The following ATP8A2 variants were observed in gnomAD, a reference collection of about 807,000 sequenced individuals.
ATP8A2 encodes phospholipid-transporting ATPase IB.
A neutral mutation model predicts 165.6 loss-of-function variants in ATP8A2; 100 were observed. That is an observed-to-expected ratio of 0.60 (90% CI 0.51 to 0.71). The LOEUF (loss-of-function observed/expected upper bound fraction) is 0.71. Ranked by LOEUF, ATP8A2 falls within the 30% of genes least tolerant of loss-of-function variation. The pLI is 0.00. For synonymous variants in ATP8A2, 543 were observed against 548.8 expected (o/e 0.99, Z 0.15); for missense variants, 1,227 against 1,479.5 (o/e 0.83, Z 2.80).
At chr13:25,693,091 A>G (rs900082498) in intron 24 of ATP8A2, among the ~76,000 whole-genome samples, 1 of 152,166 alleles carries the variant, frequency 6.6e-6, no homozygotes, top group African/African-American at 2.4e-5. Flanking sequence ...GCTTTTTATT[A>G]AAATAAGAGA....
intron 1 of ATP8A2, among the ~76,000 whole-genome samples, chr13:25,413,987 C>T (rs1400539850): frequency 6.6e-6 from 1 of 151,854 alleles, no homozygotes; most frequent in Admixed American, 6.6e-5. Flanking sequence ...GAGCGTGAGG[C>T]GTGGTCAGTA....
At chr13:25,562,767 A>G (rs993184082) in intron 15 of ATP8A2, among the ~76,000 whole-genome samples, 1 of 152,196 alleles carries the variant, frequency 6.6e-6, no homozygotes, top group African/African-American at 2.4e-5. Flanking sequence ...GCCTGGGCTC[A>G]GGACTACTCT....
chr13:25,593,260 C>A (rs2040141785), intron 24 of ATP8A2, among the ~76,000 whole-genome samples: 1 of 152,094 alleles, frequency 6.6e-6, no homozygotes, highest in Admixed American at 6.6e-5. Flanking sequence ...AATGGCCCAA[C>A]AATTAGAAGC....
intron 25 of ATP8A2, among the ~76,000 whole-genome samples, chr13:25,731,074 G>GGGAA (rs2043613185): frequency 1.4e-5 from 2 of 142,554 alleles, no homozygotes; most frequent in East Asian, 4.1e-4. Context: ...GGAGAGGGGA[G>GGGAA]GAAAAGAAAA....
At chr13:26,003,473 G>A (rs530130733) in intron 35 of ATP8A2, among the ~76,000 whole-genome samples, 1 of 151,770 alleles carries the variant, frequency 6.6e-6, no homozygotes, top group East Asian at 1.9e-4. Flanking sequence ...CACTCTTTAG[G>A]TTGTCTCTTC....
chr13:25,846,967 TC>T (rs754062157), intron 30 of ATP8A2, among the ~76,000 whole-genome samples: 2 of 152,044 alleles, frequency 1.3e-5, no homozygotes, highest in East Asian at 1.9e-4. Context: ...GACATTTTGT[TC>T]CCCCATAAAA....
intron 25 of ATP8A2, among the ~76,000 whole-genome samples, chr13:25,717,187 G>C (rs2043272425): frequency 6.6e-6 from 1 of 152,148 alleles, no homozygotes; most frequent in Non-Finnish European, 1.5e-5. Flanking sequence ...GATTATGGTA[G>C]CATGGATTAC....
intron 2 of ATP8A2, among the ~76,000 whole-genome samples, chr13:25,495,809 T>G (rs899463455): frequency 6.6e-6 from 1 of 152,014 alleles, no homozygotes; most frequent in Admixed American, 6.6e-5. Context: ...ATACTTCCCA[T>G]GGCTGTGTTC....
At chr13:25,880,835 T>A (rs1217791248) in intron 33 of ATP8A2, 1 of 441,630 alleles carries the variant, frequency 2.3e-6, no homozygotes, top group Non-Finnish European at 4.5e-6. Flanking sequence ...CTTTGTGGTT[T>A]GGGTAAAAAG....
chr13:25,714,704 C>A (rs1156495561), intron 25 of ATP8A2, among the ~76,000 whole-genome samples: 1 of 152,196 alleles, frequency 6.6e-6, no homozygotes, highest in Non-Finnish European at 1.5e-5. Context: ...ATGACAGTTG[C>A]TGAAGTTATG....
chr13:25,431,990 G>A (rs181544016), intron 1 of ATP8A2, among the ~76,000 whole-genome samples: 29 of 152,266 alleles, frequency 1.9e-4, no homozygotes, highest in Non-Finnish European at 3.4e-4. Flanking sequence ...GTCGTATGGT[G>A]TGTGGCCTTT....
At chr13:25,534,300 G>T in intron 6 of ATP8A2, 1 of 484,996 alleles carries the variant, frequency 2.1e-6, no homozygotes, top group Non-Finnish European at 4.3e-6. Context: ...CGTTTGGAAA[G>T]GTCATGGTTC....
rs761146801 is a variant in ATP8A2 at position 25,862,340 on chromosome 13, C to G, written c.3115C>G (p.Leu1039Val). The change falls in exon 33 of 37, where the codon CTG becomes GTG. Residue 1039 changes from leucine (L) to valine (V), a missense_variant. Physicochemically the swap from Leu to Val is conservative, Grantham distance 32. This residue lies in a region of ATP8A2 where 260 missense variants were observed against 245.1 expected (regional missense o/e 1.06). Coordinates refer to ENST00000381655, the MANE Select transcript of ATP8A2 (RefSeq NM_016529.6). ...TGTCTGGGGAAGCATGCTGACCTGG[C>G]TGGTGTTTTTTGGCATCTACTCGAC... is the stretch of plus-strand genomic sequence containing the variant. ...LAVWGSMLTW[L>V]VFFGIYSTIW... 1.2e-6 allele frequency: 2 copies of G among 1,614,164 alleles called. No individual in the cohort carries two copies. The highest frequency in any genetic ancestry group is 8.5e-7 in the Non-Finnish European group (1 of 1,180,008).
At chr13:25,445,485 A>G (rs887279249) in intron 1 of ATP8A2, among the ~76,000 whole-genome samples, 2 of 152,196 alleles carry the variant, frequency 1.3e-5, no homozygotes, top group East Asian at 1.9e-4. Context: ...AGGCACTACA[A>G]TATTCCCAGC....
intron 27 of ATP8A2, among the ~76,000 whole-genome samples, chr13:25,805,184 A>G (rs932351102): frequency 4.6e-5 from 7 of 151,784 alleles, no homozygotes; most frequent in African/African-American, 1.7e-4. Context: ...TATTTTTTCC[A>G]TCTACCCTAT....
intron 33 of ATP8A2, among the ~76,000 whole-genome samples, chr13:25,881,755 C>T (rs1952985917): frequency 6.6e-6 from 1 of 152,178 alleles, no homozygotes; most frequent in Non-Finnish European, 1.5e-5. Context: ...CCCTGCTACT[C>T]AAAGTGTGGT....
chr13:25,836,260 G>A (rs1352814419), intron 28 of ATP8A2, among the ~76,000 whole-genome samples: 1 of 152,156 alleles, frequency 6.6e-6, no homozygotes, highest in Admixed American at 6.5e-5. Flanking sequence ...CTTAGCACAA[G>A]TAACTCCATT....
At chr13:25,552,526 C>T (rs1389804179) in intron 11 of ATP8A2, among the ~76,000 whole-genome samples, 1 of 151,970 alleles carries the variant, frequency 6.6e-6, no homozygotes. Flanking sequence ...TTTATAAATC[C>T]TGTAGAATTA....
chr13:25,836,715 G>T (rs9581457), intron 28 of ATP8A2, among the ~76,000 whole-genome samples: 1 of 152,026 alleles, frequency 6.6e-6, no homozygotes, highest in Non-Finnish European at 1.5e-5. Flanking sequence ...CCCATAATTT[G>T]TTTATTGTAA....
Sources: allele counts gnomAD v4.1 joint callset (sites outside exome capture counted in the v4.1 genomes callset), GRCh38; gene constraint gnomAD v4.1.1; regional missense constraint gnomAD v4.1.1; transcripts MANE v1.5; gene names NCBI Gene and HGNC (gene_info 2026-07-23, HGNC 2026-07-21).